The following RPS6KC1 variants were observed in gnomAD, a reference collection of about 807,000 sequenced individuals.
RPS6KC1 encodes inactive ribosomal protein S6 kinase delta-1.
RPS6KC1 carries 54 observed loss-of-function variants against 103.8 expected under a neutral mutation model. The ratio of observed to expected loss-of-function variants is 0.52; its 90% CI spans 0.42 to 0.65. The LOEUF (loss-of-function observed/expected upper bound fraction) is 0.65, where lower values mean the gene tolerates loss of function less well. Ranked by LOEUF, RPS6KC1 falls within the 30% of genes least tolerant of loss-of-function variation. The probability of loss-of-function intolerance (pLI) is 0.00; values close to 1 mark genes in which losing one functional copy is unlikely to be tolerated. For missense variants in RPS6KC1, 1,151 were observed against 1,253.8 expected (o/e 0.92, Z 1.24); for synonymous variants, 439 against 438.7 (o/e 1.00, Z -0.01).
chr1:213,840,100 C>T, the RPS6KC1 span: 3 of 152,292 alleles, frequency 2.0e-5, no homozygotes, highest in East Asian at 5.8e-4. Context: ...TGCCTAGGTT[C>T]TGCCTGCTTG....
intron 10 of RPS6KC1, among the ~76,000 whole-genome samples, chr1:213,232,954 C>CT (rs1301802744): frequency 6.6e-6 from 1 of 151,960 alleles, no homozygotes; most frequent in African/African-American, 2.4e-5. Flanking sequence ...TGCCATTTGG[C>CT]TTTTAAGAGG....
At chr1:213,489,252 G>T in the RPS6KC1 span, among the ~76,000 whole-genome samples, 4 of 152,316 alleles carry the variant, frequency 2.6e-5, no homozygotes, top group African/African-American at 9.6e-5. Flanking sequence ...AGAATTTTGA[G>T]CGTCTTTCTG....
chr1:213,735,569 A>G, the RPS6KC1 span, among the ~76,000 whole-genome samples: 1 of 152,226 alleles, frequency 6.6e-6, no homozygotes, highest in Non-Finnish European at 1.5e-5. Context: ...TGTTCTACCT[A>G]CATTGCTAGT....
the RPS6KC1 span, among the ~76,000 whole-genome samples, chr1:213,748,884 C>T: frequency 6.6e-6 from 1 of 152,196 alleles, no homozygotes; most frequent in East Asian, 1.9e-4. Context: ...TTGGATCTCC[C>T]AGGAGAATCT....
At chr1:213,343,370 A>AT in the RPS6KC1 span, among the ~76,000 whole-genome samples, 1 of 16,864 alleles carries the variant, frequency 5.9e-5, no homozygotes, top group East Asian at 8.0e-4. Flanking sequence ...AGGAGCTTAA[A>AT]CTTTTTTTTC....
At chr1:213,115,067 T>C (rs2083441705) in intron 4 of RPS6KC1, among the ~76,000 whole-genome samples, 1 of 152,242 alleles carries the variant, frequency 6.6e-6, no homozygotes, top group Non-Finnish European at 1.5e-5. Flanking sequence ...GCTGGCATCA[T>C]AAAATGAGTT....
chr1:213,493,716 G>A, the RPS6KC1 span, among the ~76,000 whole-genome samples: 615 of 152,310 alleles, frequency 4.0e-3, 6 homozygotes, highest in African/African-American at 0.014. Flanking sequence ...TGAAGTCAGA[G>A]CTGCCCTGCC....
the RPS6KC1 span, among the ~76,000 whole-genome samples, chr1:213,421,661 G>T: frequency 2.0e-5 from 3 of 152,186 alleles, no homozygotes; most frequent in Non-Finnish European, 2.9e-5. Context: ...GAAATGACTG[G>T]TCAAATCTCT....
the RPS6KC1 span, chr1:213,820,760 G>A: frequency 6.6e-6 from 1 of 152,168 alleles, no homozygotes; most frequent in East Asian, 1.9e-4. Flanking sequence ...TTCAGTAGTT[G>A]ACATCAGGCC....
chr1:213,667,899 A>G, the RPS6KC1 span, among the ~76,000 whole-genome samples: 1 of 152,136 alleles, frequency 6.6e-6, no homozygotes, highest in Non-Finnish European at 1.5e-5. Context: ...ATAGGAAGCA[A>G]TTTTTCACCT....
At chr1:213,612,815 A>G in the RPS6KC1 span, among the ~76,000 whole-genome samples, 1 of 152,210 alleles carries the variant, frequency 6.6e-6, no homozygotes, top group Non-Finnish European at 1.5e-5. Flanking sequence ...CATGAAGTAT[A>G]TTTGCCTCGG....
intron 12 of RPS6KC1, among the ~76,000 whole-genome samples, chr1:213,251,408 G>T (rs760942193): frequency 3.4e-4 from 52 of 152,256 alleles, no homozygotes; most frequent in Non-Finnish European, 5.3e-4. Context: ...TCCCAGCCCA[G>T]CTTTCTTTTC....
chr1:213,412,769 G>T, the RPS6KC1 span, among the ~76,000 whole-genome samples: 4 of 152,224 alleles, frequency 2.6e-5, no homozygotes, highest in Non-Finnish European at 5.9e-5. Flanking sequence ...CCTGCCTCCT[G>T]CTCTGCAAGT....
intron 6 of RPS6KC1, among the ~76,000 whole-genome samples, chr1:213,152,863 C>T (rs969174895): frequency 8.5e-5 from 13 of 152,308 alleles, no homozygotes; most frequent in East Asian, 7.7e-4. Flanking sequence ...GCTGCAATGT[C>T]GGCACTTTGG....
chr1:213,705,062 C>G, the RPS6KC1 span, among the ~76,000 whole-genome samples: 1 of 152,236 alleles, frequency 6.6e-6, no homozygotes, highest in Non-Finnish European at 1.5e-5. Flanking sequence ...TGTGCTGGGT[C>G]AGACCTGAAG....
the RPS6KC1 span, among the ~76,000 whole-genome samples, chr1:213,441,186 G>T: frequency 2.0e-5 from 3 of 152,186 alleles, no homozygotes; most frequent in African/African-American, 4.8e-5. Flanking sequence ...CAGTTGTACA[G>T]GAAAGTCTAC....
chr1:213,545,696 G>T, the RPS6KC1 span, among the ~76,000 whole-genome samples: 8 of 152,050 alleles, frequency 5.3e-5, no homozygotes, highest in South Asian at 6.2e-4. Flanking sequence ...CAACACACTG[G>T]GGGGACACAA....
chr1:213,487,875 C>T, the RPS6KC1 span, among the ~76,000 whole-genome samples: 1 of 152,298 alleles, frequency 6.6e-6, no homozygotes, highest in Admixed American at 6.5e-5. Flanking sequence ...TCTACACATG[C>T]TTGCCTTCTC....
the RPS6KC1 span, among the ~76,000 whole-genome samples, chr1:213,462,381 C>A: frequency 7.9e-5 from 12 of 152,090 alleles, no homozygotes; most frequent in Non-Finnish European, 1.6e-4. Context: ...CCAGAAATAC[C>A]GTTTGACCCA....
Sources: allele counts gnomAD v4.1 joint callset (sites outside exome capture counted in the v4.1 genomes callset), GRCh38; gene constraint gnomAD v4.1.1; transcripts MANE v1.5; gene names NCBI Gene and HGNC (gene_info 2026-07-23, HGNC 2026-07-21).